The following CAMTA1 variants were observed in gnomAD, a reference collection of about 807,000 sequenced individuals.
The protein encoded by CAMTA1 is calmodulin binding transcription activator 1, also known as calmodulin-binding transcription activator 1.
A neutral mutation model predicts 170.9 loss-of-function variants in CAMTA1; 27 were observed. That is an observed-to-expected ratio of 0.16 (90% CI 0.12 to 0.22). The LOEUF is 0.22. Among genes scored for constraint, CAMTA1 ranks in the 10% least tolerant of loss-of-function variants. CAMTA1 has a pLI of 1.00. For synonymous variants in CAMTA1, 833 were observed against 891.5 expected, an observed-to-expected ratio of 0.93 and a Z score of 1.17; for missense variants, 1,619 against 2,217.2, an observed-to-expected ratio of 0.73 and a Z score of 5.42.
chr1:7,140,884 G>A (rs946349091), intron 4 of CAMTA1, among the ~76,000 whole-genome samples: 5 of 152,014 alleles, frequency 3.3e-5, no homozygotes, highest in African/African-American at 7.2e-5. Context: ...TTATGATGCC[G>A]CATCACAGCT....
At chr1:7,250,968 A>G (rs1666541373) in intron 5 of CAMTA1, among the ~76,000 whole-genome samples, 1 of 152,148 alleles carries the variant, frequency 6.6e-6, no homozygotes, top group Non-Finnish European at 1.5e-5. Flanking sequence ...GAGCCAAAGG[A>G]GGGAGGGCTT....
chr1:7,390,829 G>A (rs12077651), intron 5 of CAMTA1, among the ~76,000 whole-genome samples: 7,325 of 152,286 alleles, frequency 0.048, 609 homozygotes, highest in African/African-American at 0.16. Flanking sequence ...GTGCCAGGGT[G>A]ACGTGACTCC....
In CAMTA1 at chr1:6,933,456, C is replaced by T. The variant is rs58349499; in HGVS notation, c.234+108246C>T. ...TGTATTTCTAGTAGAGGTGGGGTTT[C>T]ACCATGTTGGCCAGGCTGGTCTGTA... is the stretch of plus-strand genomic sequence containing the variant. On this transcript the variant is annotated intron_variant, in intron 3 of 22. Coordinates refer to ENST00000303635, the MANE Select transcript of CAMTA1 (RefSeq NM_015215.4). Among the ~76,000 whole-genome samples the T allele has an allele frequency of 8.5e-3, 1,287 of 152,220 alleles. 24 individuals carry two copies. Among genetic ancestry groups the T allele is most frequent in the African/African-American group, 0.03 (1,242 of 41,532 alleles).
intron 1 of CAMTA1, among the ~76,000 whole-genome samples, chr1:6,808,065 G>A (rs1325039018): frequency 6.6e-6 from 1 of 151,746 alleles, no homozygotes; most frequent in Non-Finnish European, 1.5e-5. Flanking sequence ...AGAGGAAATG[G>A]AACAGAGGCA....
intron 6 of CAMTA1, among the ~76,000 whole-genome samples, chr1:7,485,097 G>A (rs560066947): frequency 1.2e-3 from 186 of 152,288 alleles, no homozygotes; most frequent in Middle Eastern, 6.8e-3. Context: ...GCCTCCAAAA[G>A]GCTTGGATTC....
At chr1:7,178,232 G>A (rs1651365157) in intron 4 of CAMTA1, among the ~76,000 whole-genome samples, 1 of 152,090 alleles carries the variant, frequency 6.6e-6, no homozygotes, top group Admixed American at 6.5e-5. Flanking sequence ...AGGGCCATAG[G>A]AAATATCCCT....
intron 3 of CAMTA1, among the ~76,000 whole-genome samples, chr1:6,981,884 A>G (rs572309564): frequency 1.1e-4 from 17 of 151,932 alleles, no homozygotes; most frequent in Non-Finnish European, 2.5e-4. Flanking sequence ...GCACACCACC[A>G]TGCCCCACTA....
At position 6,923,151 on chromosome 1, in the gene CAMTA1, G is replaced by C. The variant is rs189810000; in HGVS notation, c.234+97941G>C. 2.3e-3 allele frequency among the ~76,000 whole-genome samples: 344 copies of C among 152,288 alleles called. 3 individuals carry two copies. The highest frequency in any genetic ancestry group is 7.9e-3 in the African/African-American group (330 of 41,560). On this transcript the variant is annotated intron_variant, in intron 3 of 22. Transcript: ENST00000303635. ...AATTGCAGGCACTCACTCTTCATCAGAAAGCAGCCTCCCACACTTGTGCAC... is the reference window on the plus strand; with the variant it reads ...AATTGCAGGCACTCACTCTTCATCACAAAGCAGCCTCCCACACTTGTGCAC...
chr1:6,789,635 T>G (rs570154174), intron 1 of CAMTA1, among the ~76,000 whole-genome samples: 2 of 152,264 alleles, frequency 1.3e-5, no homozygotes, highest in South Asian at 2.1e-4. Context: ...AATTTGCCCT[T>G]CTGGGGAGAA....
At chr1:6,815,119 T>C (rs1211625844) in intron 1 of CAMTA1, among the ~76,000 whole-genome samples, 2 of 152,212 alleles carry the variant, frequency 1.3e-5, no homozygotes, top group Admixed American at 6.5e-5. Flanking sequence ...TCATTACCTT[T>C]TTTTAAAAGT....
intron 3 of CAMTA1, among the ~76,000 whole-genome samples, chr1:6,975,973 G>A (rs191431087): frequency 6.6e-6 from 1 of 152,126 alleles, no homozygotes; most frequent in Non-Finnish European, 1.5e-5. Flanking sequence ...CGCGGCGAGC[G>A]TCAGTACTCC....
intron 6 of CAMTA1, among the ~76,000 whole-genome samples, chr1:7,477,882 C>G (rs2093447581): frequency 6.6e-6 from 1 of 152,212 alleles, no homozygotes; most frequent in African/African-American, 2.4e-5. Flanking sequence ...CAGGGGAGAC[C>G]TCGGGGCATC....
rs1424647736 is a variant in CAMTA1, at chr1:7,284,174, C to CTTA, written c.438+34550_438+34551insATT. Among the ~76,000 whole-genome samples the CTTA allele has an allele frequency of 7.4e-3, 803 of 107,904 alleles. 1 individual carries two copies. Among genetic ancestry groups the CTTA allele is most frequent in the Non-Finnish European group, 9.2e-3 (496 of 53,672 alleles). 70.8% of individuals were successfully genotyped at this position (107,904 alleles called of 152,430 possible). ...TCTTCTTCTTCTTCTTCTTCTTCTT[C>CTTA]TTCTTATTATTATTATTATTATTAT... On this transcript the variant is annotated intron_variant, in intron 5 of 22. Coordinates refer to ENST00000303635, the MANE Select transcript of CAMTA1 (RefSeq NM_015215.4).
intron 5 of CAMTA1, among the ~76,000 whole-genome samples, chr1:7,312,781 C>T (rs913905062): frequency 6.6e-6 from 1 of 152,102 alleles, no homozygotes; most frequent in Non-Finnish European, 1.5e-5. Flanking sequence ...CACTTCCTTC[C>T]TGAGCTCTGC....
intron 4 of CAMTA1, among the ~76,000 whole-genome samples, chr1:7,247,021 C>T (rs955576048): frequency 4.6e-5 from 7 of 152,166 alleles, no homozygotes; most frequent in Non-Finnish European, 8.8e-5. Flanking sequence ...CCTTCTGCAG[C>T]CTGTCTTTCT....
intron 7 of CAMTA1, among the ~76,000 whole-genome samples, chr1:7,660,072 ATTTTGT>A (rs755572958): frequency 1.3e-5 from 2 of 152,082 alleles, no homozygotes; most frequent in Non-Finnish European, 2.9e-5. Context: ...TCTACAAATA[ATTTTGT>A]TTTGTTTTGT....
At position 7,565,647 on chromosome 1, in the gene CAMTA1, G is replaced by A. The variant is rs2095031565; in HGVS notation, c.511-74753G>A. ...CCTGCTCCTTTGGGGAGGCTGCCTG[G>A]GGGCCTCAGCCATACTGTGGGGCTC... On this transcript the variant is annotated intron_variant, in intron 6 of 22. Coordinates refer to ENST00000303635, the MANE Select transcript of CAMTA1 (RefSeq NM_015215.4). This position sits in a 1 kb window ranked among gnomAD's most constrained non-coding sequence, Gnocchi z 4.5. Among the ~76,000 whole-genome samples, 1 of 152,194 alleles carries A rather than the reference G, an allele frequency of 6.6e-6. No individual in the cohort carries two copies. The highest frequency in any genetic ancestry group is 1.5e-5 in the Non-Finnish European group (1 of 68,034).
At chr1:7,497,265 T>C (rs2093844483) in intron 6 of CAMTA1, among the ~76,000 whole-genome samples, 1 of 151,964 alleles carries the variant, frequency 6.6e-6, no homozygotes, top group Non-Finnish European at 1.5e-5. Context: ...CACTGCGCTG[T>C]CCCTGAGGAG....
intron 4 of CAMTA1, among the ~76,000 whole-genome samples, chr1:7,115,873 T>C (rs1356937909): frequency 1.3e-5 from 2 of 152,208 alleles, no homozygotes; most frequent in Non-Finnish European, 2.9e-5. Context: ...TTATTTGTTC[T>C]ATTCAGGTCT....
Sources: allele counts gnomAD v4.1 joint callset (sites outside exome capture counted in the v4.1 genomes callset), GRCh38; gene constraint gnomAD v4.1.1; non-coding constraint Gnocchi (gnomAD v3.1); transcripts MANE v1.5; gene names NCBI Gene and HGNC (gene_info 2026-07-23, HGNC 2026-07-21).